SPSB1: variants seen among roughly 807,000 people sequenced by gnomAD.
The protein encoded by SPSB1 is splA/ryanodine receptor domain and SOCS box containing 1.
Under a neutral mutation model 21.2 loss-of-function variants are expected in SPSB1, and 8 were observed. The ratio of observed to expected loss-of-function variants is 0.38; its 90% CI spans 0.22 to 0.68. The LOEUF (loss-of-function observed/expected upper bound fraction) is 0.68, where lower values mean the gene tolerates loss of function less well. Among genes scored for constraint, SPSB1 ranks in the 30% least tolerant of loss-of-function variants. SPSB1 has a pLI of 0.53. For missense variants in SPSB1, 242 were observed against 377.8 expected (o/e 0.64, Z 2.98); for synonymous variants, 169 against 161.7 (o/e 1.05, Z -0.34).
Position 9,361,156 on chromosome 1 carries a change from C to CTTTTTTTTTTTTTTTT in SPSB1, c.694+4583_694+4598dup, listed in dbSNP as rs57871457. Among the ~76,000 whole-genome samples, 44 of 102,568 alleles carry CTTTTTTTTTTTTTTTT rather than the reference C, an allele frequency of 4.3e-4. 3 individuals carry two copies. Among genetic ancestry groups the CTTTTTTTTTTTTTTTT allele is most frequent in the African/African-American group, 1.7e-3 (42 of 24,216 alleles). The allele number at this position is 102,568 out of a possible 152,430, so 67.3% of individuals were successfully genotyped here. On this transcript the variant is annotated intron_variant, in intron 2 of 2. Coordinates refer to ENST00000328089, the MANE Select transcript of SPSB1 (RefSeq NM_025106.4). The stretch of plus-strand genomic sequence containing the variant: ...CAGGCATGGCTGGATCTGTCATTTT[C>CTTTTTTTTTTTTTTTT]TTTTTTTTTTTTTTTTTTTTTTTTT...
In SPSB1 at chr1:9,356,443, C is replaced by T. The variant is rs548275117; in HGVS notation, c.552C>T (p.Asp184=). ...PDSFLVALDM[D]DGTLSFIVDG... ...CCTTCCTGGTAGCCCTGGACATGGA[C>T]GACGGGACTCTGAGCTTCATTGTGG... The change falls in exon 2 of 3, where the codon GAC becomes GAT. Residue 184 remains aspartate, a synonymous_variant. Transcript: ENST00000328089. This position sits in a 1 kb window ranked among gnomAD's most constrained non-coding sequence, Gnocchi z 7.4. 1.4e-5 allele frequency: 23 copies of T among 1,614,076 alleles called. No individual in the cohort carries two copies. The South Asian group carries it at 1.5e-4, about 11-fold the overall frequency.
At chr1:9,357,149 G>GAGTGAATGGA (rs1640381926) in intron 2 of SPSB1, among the ~76,000 whole-genome samples, 1 of 40,586 alleles carries the variant, frequency 2.5e-5, no homozygotes, top group Non-Finnish European at 6.9e-5. Context: ...GGATGGATGG[G>GAGTGAATGGA]TGGATGGATG....
Position 9,356,530 on chromosome 1 carries a change from G to T in SPSB1, c.639G>T (p.Val213=), listed in dbSNP as rs761117186. ...GLKGKKLYPV[V]SAVWGHCEIR... is the part of the protein sequence containing the mutation. ...AGGGCAAAAAACTGTATCCTGTAGTGAGTGCCGTCTGGGGCCACTGTGAGA... is the reference window on the plus strand; with the variant it reads ...AGGGCAAAAAACTGTATCCTGTAGTTAGTGCCGTCTGGGGCCACTGTGAGA... The change falls in exon 2 of 3, where the codon GTG becomes GTT. Residue 213 remains valine (V), a synonymous_variant. Transcript: ENST00000328089. This position sits in a 1 kb window ranked among gnomAD's most constrained non-coding sequence, Gnocchi z 7.4. 4.2e-5 allele frequency: 67 copies of T among 1,608,900 alleles called. No homozygotes were observed. The South Asian group carries it at 7.4e-4, about 18-fold the overall frequency.
rs990973637 is a variant in SPSB1, at chr1:9,363,011, G to A, written c.695-4437G>A. 7.9e-5 allele frequency among the ~76,000 whole-genome samples: 12 copies of A among 152,346 alleles called. No individual in the cohort carries two copies. Among genetic ancestry groups the A allele is most frequent in the Admixed American group, 1.3e-4 (2 of 15,304 alleles). ...GCAGGCACCTGGGTTTGTGGCTGGAGCTGGGTGCAAAGCTGGCAGCCCCCA... is the reference window on the plus strand; with the variant it reads ...GCAGGCACCTGGGTTTGTGGCTGGAACTGGGTGCAAAGCTGGCAGCCCCCA... On this transcript the variant is annotated intron_variant, in intron 2 of 2. Coordinates refer to ENST00000328089, the MANE Select transcript of SPSB1 (RefSeq NM_025106.4). The surrounding 1 kb of genome is among the most constrained non-coding windows in gnomAD (Gnocchi z 4.5).
chr1:9,304,673 C>T (rs1639384335), intron 1 of SPSB1, among the ~76,000 whole-genome samples: 1 of 152,060 alleles, frequency 6.6e-6, no homozygotes, highest in African/African-American at 2.4e-5. Context: ...GAATAATGAC[C>T]TACAGGCTGG....
chr1:9,362,192 C>CCCTCCCTT (rs531874774), intron 2 of SPSB1, among the ~76,000 whole-genome samples: 7 of 150,052 alleles, frequency 4.7e-5, no homozygotes, highest in African/African-American at 4.9e-5. Flanking sequence ...CTCCCTCCCT[C>CCCTCCCTT]CCTTCCTTCC....
chr1:9,365,203 A>C (rs1325103419), intron 2 of SPSB1, among the ~76,000 whole-genome samples: 1 of 152,188 alleles, frequency 6.6e-6, no homozygotes, highest in Admixed American at 6.5e-5. Flanking sequence ...GCTGGAATAC[A>C]GTGGCACAAT....
At position 9,368,709 on chromosome 1, in the gene SPSB1, C is replaced by G. The variant is rs1174243628; in HGVS notation, c.*1134C>G. ...AGTGGGTCTCCATTCCCCGAGAAGC[C>G]GGGGGCAGGGTGGGATGGGGAAGAC... On this transcript the variant is annotated 3_prime_UTR_variant, in exon 3 of 3. Transcript: ENST00000328089. 1.3e-5 allele frequency: 2 copies of G among 151,928 alleles called. No homozygotes were observed. Among genetic ancestry groups the G allele is most frequent in the African/African-American group, 4.8e-5 (2 of 41,366 alleles). The allele number at this position is 151,928 out of a possible 1,614,324, so 9.4% of individuals were successfully genotyped here.
chr1:9,315,274 C>T (rs1319300596), intron 1 of SPSB1, among the ~76,000 whole-genome samples: 4 of 152,224 alleles, frequency 2.6e-5, no homozygotes, highest in Admixed American at 1.3e-4. Flanking sequence ...ACAAAAGACC[C>T]CGTACTGGCT....
chr1:9,302,895 G>A (rs577118541), intron 1 of SPSB1, among the ~76,000 whole-genome samples: 1 of 152,278 alleles, frequency 6.6e-6, no homozygotes, highest in South Asian at 2.1e-4. Flanking sequence ...ATCCCCTAGG[G>A]ACCCGCTAGC....
intron 1 of SPSB1, among the ~76,000 whole-genome samples, chr1:9,351,172 T>C (rs1487281232): frequency 6.6e-6 from 1 of 152,242 alleles, no homozygotes; most frequent in Non-Finnish European, 1.5e-5. Flanking sequence ...TGCCCATTGA[T>C]TTACATATTG....
chr1:9,359,309 C>T (rs1640426458), intron 2 of SPSB1, among the ~76,000 whole-genome samples: 1 of 152,170 alleles, frequency 6.6e-6, no homozygotes, highest in Non-Finnish European at 1.5e-5. Context: ...TCCGCTGCAG[C>T]GTGGTGATAG....
chr1:9,309,279 A>T (rs866120653), intron 1 of SPSB1, among the ~76,000 whole-genome samples: 12 of 126,560 alleles, frequency 9.5e-5, no homozygotes, highest in Non-Finnish European at 1.8e-4. Flanking sequence ...AGAGAGAGAG[A>T]GTGTGAGAGA....
chr1:9,307,354 T>G (rs1414607122), intron 1 of SPSB1, among the ~76,000 whole-genome samples: 1 of 152,188 alleles, frequency 6.6e-6, no homozygotes, highest in African/African-American at 2.4e-5. Flanking sequence ...CCAAACCATC[T>G]TCATCCCGCC....
chr1:9,345,645 G>T lies in SPSB1; in HGVS notation c.-149-10098G>T, dbSNP rs1640157691. Among the ~76,000 whole-genome samples, 1 of 152,162 alleles carries T rather than the reference G, an allele frequency of 6.6e-6. No individual in the cohort carries two copies. On this transcript the variant is annotated intron_variant, in intron 1 of 2. Coordinates refer to ENST00000328089, the MANE Select transcript of SPSB1 (RefSeq NM_025106.4). The surrounding 1 kb of genome is among the most constrained non-coding windows in gnomAD (Gnocchi z 4.8). ...GTTTGACTATCATGCTGGTTTCCCA[G>T]GCCATGGCTCCACTGATTCGAGCCC... is the stretch of plus-strand genomic sequence containing the variant.
chr1:9,323,086 C>T (rs1254302824), intron 1 of SPSB1, among the ~76,000 whole-genome samples: 3 of 152,234 alleles, frequency 2.0e-5, no homozygotes, highest in Non-Finnish European at 2.9e-5. Context: ...CCGCCCCTCC[C>T]CAGCTCCGGC....
chr1:9,346,223 T>G lies in SPSB1; in HGVS notation c.-149-9520T>G, dbSNP rs908936793. Among the ~76,000 whole-genome samples, 8 of 152,250 alleles carry G rather than the reference T, an allele frequency of 5.3e-5. No individual in the cohort carries two copies. Among genetic ancestry groups the G allele is most frequent in the Admixed American group, 5.2e-4 (8 of 15,292 alleles). On this transcript the variant is annotated intron_variant, in intron 1 of 2. Transcript: ENST00000328089. This position sits in a 1 kb window ranked among gnomAD's most constrained non-coding sequence, Gnocchi z 4.4. ...GCAGAGGGAGGGAACTTACGTGATC[T>G]TCAGGTGAAAGGAGGCTTTATAAAT...
intron 1 of SPSB1, among the ~76,000 whole-genome samples, chr1:9,307,710 C>T (rs1639443274): frequency 6.6e-6 from 1 of 152,240 alleles, no homozygotes; most frequent in Non-Finnish European, 1.5e-5. Flanking sequence ...GAGACTCAGC[C>T]ACCATCCTCT....
At chr1:9,318,023 T>C (rs572393031) in intron 1 of SPSB1, among the ~76,000 whole-genome samples, 6 of 152,172 alleles carry the variant, frequency 3.9e-5, no homozygotes, top group Non-Finnish European at 8.8e-5. Context: ...ACGTGCCAGG[T>C]GGGGAGAGGA....
Sources: gnomAD v4.1 joint callset for allele counts (sites outside exome capture counted in the v4.1 genomes callset) on GRCh38, gnomAD v4.1.1 for gene constraint, Gnocchi (gnomAD v3.1) non-coding constraint, MANE v1.5 for transcripts, NCBI Gene and HGNC (gene_info 2026-07-23, HGNC 2026-07-21) for gene names.